The following GRM5 variants were observed in gnomAD, a reference collection of about 807,000 sequenced individuals.
GRM5 encodes the protein glutamate metabotropic receptor 5, also known as metabotropic glutamate receptor 5.
A neutral mutation model predicts 83.1 loss-of-function variants in GRM5; 19 were observed. The observed-to-expected ratio is 0.23, with a 90% confidence interval of 0.16 to 0.34. The LOEUF (loss-of-function observed/expected upper bound fraction) is 0.34. Ranked by LOEUF, GRM5 falls within the 10% of genes least tolerant of loss-of-function variation. The probability of loss-of-function intolerance (pLI) is 1.00; values close to 1 mark genes in which losing one functional copy is unlikely to be tolerated. For synonymous variants in GRM5, 675 were observed against 633.6 expected, an observed-to-expected ratio of 1.07 and a Z score of -0.98; for missense variants, 1,160 against 1,588.3, an observed-to-expected ratio of 0.73 and a Z score of 4.58.
intron 3 of GRM5, among the ~76,000 whole-genome samples, chr11:88,848,023 G>C (rs1466982609): frequency 6.6e-6 from 1 of 152,130 alleles, no homozygotes; most frequent in Non-Finnish European, 1.5e-5. Flanking sequence ...CTGGCAAATG[G>C]AGCAGATAGG....
rs996751066 is a variant in GRM5 at position 88,508,127 on chromosome 11, G to C, written c.*465C>G. ...AAAGAAAGAAAAAAGTTGATGTTTTGGTCCCAGATTTTGAGTTTGTTAGAA... is the reference window on the plus strand; with the variant it reads ...AAAGAAAGAAAAAAGTTGATGTTTTCGTCCCAGATTTTGAGTTTGTTAGAA... On this transcript the variant is annotated 3_prime_UTR_variant, in exon 10 of 10. Transcript: ENST00000305447. The surrounding 1 kb of genome is among the most constrained non-coding windows in gnomAD (Gnocchi z 4.2). 1 of 152,944 alleles carries C rather than the reference G, an allele frequency of 6.5e-6. No individual in the cohort carries two copies. Among genetic ancestry groups the C allele is most frequent in the African/African-American group, 2.4e-5 (1 of 41,414 alleles). The allele number at this position is 152,944 out of a possible 1,614,324, so 9.5% of individuals were successfully genotyped here.
At chr11:88,820,229 A>C (rs1275621050) in intron 3 of GRM5, among the ~76,000 whole-genome samples, 3 of 151,684 alleles carry the variant, frequency 2.0e-5, no homozygotes, top group Non-Finnish European at 2.9e-5. Flanking sequence ...AAAATACAAA[A>C]AAAAAAAAAT....
chr11:88,836,041 G>C (rs925803065), intron 3 of GRM5, among the ~76,000 whole-genome samples: 1 of 151,624 alleles, frequency 6.6e-6, no homozygotes, highest in African/African-American at 2.4e-5. Flanking sequence ...CCTCAAGAAG[G>C]ATTGAAAAAA....
At chr11:88,733,941 A>G (rs1306973275) in intron 3 of GRM5, among the ~76,000 whole-genome samples, 1 of 152,008 alleles carries the variant, frequency 6.6e-6, no homozygotes, top group Non-Finnish European at 1.5e-5. Context: ...ATTCTAGATC[A>G]CTAGTTTCCT....
chr11:89,038,137 T>C (rs1487496065), intron 2 of GRM5, among the ~76,000 whole-genome samples: 1 of 136,644 alleles, frequency 7.3e-6, no homozygotes, highest in Non-Finnish European at 1.5e-5. Context: ...ATAATCTCTT[T>C]CTTTAGAATC....
At chr11:88,945,407 T>C (rs1938248179) in intron 2 of GRM5, among the ~76,000 whole-genome samples, 1 of 151,988 alleles carries the variant, frequency 6.6e-6, no homozygotes, top group Non-Finnish European at 1.5e-5. Flanking sequence ...AGCATTCATA[T>C]GGAACAAAAA....
intron 4 of GRM5, among the ~76,000 whole-genome samples, chr11:88,614,334 T>C (rs1253180464): frequency 1.3e-5 from 2 of 152,132 alleles, no homozygotes; most frequent in Non-Finnish European, 2.9e-5. Flanking sequence ...AAGTCATAGG[T>C]ACATCACACA....
At chr11:88,775,500 C>G (rs548647156) in intron 3 of GRM5, among the ~76,000 whole-genome samples, 255 of 152,180 alleles carry the variant, frequency 1.7e-3, no homozygotes, top group African/African-American at 5.8e-3. Context: ...TGTGTTTGCT[C>G]TTGCTTCTCT....
chr11:88,795,205 A>G (rs555265588), intron 3 of GRM5, among the ~76,000 whole-genome samples: 3 of 152,350 alleles, frequency 2.0e-5, no homozygotes, highest in Non-Finnish European at 4.4e-5. Context: ...AAGGGCCTTT[A>G]ATTCACAAGC....
intron 1 of GRM5, among the ~76,000 whole-genome samples, chr11:89,065,226 A>T (rs182591181): frequency 6.6e-6 from 1 of 151,474 alleles, no homozygotes; most frequent in African/African-American, 2.4e-5. Context: ...TAATGGGCTC[A>T]AAGATAGAGG....
At chr11:88,563,959 C>T (rs12295539) in intron 8 of GRM5, among the ~76,000 whole-genome samples, 8,200 of 152,050 alleles carry the variant, frequency 0.054, 701 homozygotes, top group African/African-American at 0.18. Context: ...TCATGGAAGC[C>T]ATAGAGGAAA....
At chr11:88,865,151 A>G (rs182631630) in intron 2 of GRM5, among the ~76,000 whole-genome samples, 50 of 151,898 alleles carry the variant, frequency 3.3e-4, no homozygotes, top group African/African-American at 1.2e-3. Flanking sequence ...TGTAGATTCA[A>G]TGCTATCCCC....
At chr11:88,676,269 A>G (rs887573212) in intron 3 of GRM5, among the ~76,000 whole-genome samples, 2 of 152,002 alleles carry the variant, frequency 1.3e-5, no homozygotes, top group African/African-American at 2.4e-5. Context: ...AGTGAGTTGT[A>G]AAGTTCTTCA....
intron 2 of GRM5, among the ~76,000 whole-genome samples, chr11:88,968,035 G>T (rs1939041245): frequency 6.6e-6 from 1 of 152,046 alleles, no homozygotes; most frequent in African/African-American, 2.4e-5. Context: ...TCTATTGATA[G>T]TGGAGCAACA....
chr11:88,891,692 T>C (rs553152523), intron 2 of GRM5, among the ~76,000 whole-genome samples: 2 of 151,610 alleles, frequency 1.3e-5, no homozygotes, highest in East Asian at 3.9e-4. Flanking sequence ...GTAACTACCC[T>C]GAAAATTTTG....
At chr11:88,945,352 C>CA (rs1335954539) in intron 2 of GRM5, among the ~76,000 whole-genome samples, 3 of 151,918 alleles carry the variant, frequency 2.0e-5, no homozygotes, top group Admixed American at 2.0e-4. Flanking sequence ...TTACTCTTAT[C>CA]AAATTACCAA....
intron 3 of GRM5, among the ~76,000 whole-genome samples, chr11:88,806,725 A>G (rs978195453): frequency 2.0e-5 from 3 of 152,080 alleles, no homozygotes; most frequent in African/African-American, 7.2e-5. Flanking sequence ...CAACACCCTC[A>G]TCCTGGGAAT....
rs184374671 is a variant in GRM5, at chr11:88,754,166, A to G, written c.911+95740T>C. On this transcript the variant is annotated intron_variant, in intron 3 of 9. Transcript: ENST00000305447. Reference sequence around the variant, plus strand: ...GATGGATTTGGAAACCATTATCCTCAGCAAATTAATGCAGGAACAGAAAAC... The same window carrying G: ...GATGGATTTGGAAACCATTATCCTCGGCAAATTAATGCAGGAACAGAAAAC... 6.3e-4 allele frequency among the ~76,000 whole-genome samples: 96 copies of G among 152,318 alleles called. 1 individual carries two copies. In the East Asian group the frequency reaches 0.013, roughly 20 times the overall value.
chr11:88,915,772 A>G (rs1945579655), intron 2 of GRM5, among the ~76,000 whole-genome samples: 1 of 152,146 alleles, frequency 6.6e-6, no homozygotes, highest in Admixed American at 6.6e-5. Context: ...ACCACTACCA[A>G]CATCTTCTAA....
Sources: allele counts gnomAD v4.1 joint callset (sites outside exome capture counted in the v4.1 genomes callset), GRCh38; gene constraint gnomAD v4.1.1; non-coding constraint Gnocchi (gnomAD v3.1); transcripts MANE v1.5; gene names NCBI Gene and HGNC (gene_info 2026-07-23, HGNC 2026-07-21).